ZC3H12D: variants seen among roughly 807,000 people sequenced by gnomAD.
ZC3H12D encodes the protein zinc finger CCCH-type containing 12D, also known as probable ribonuclease ZC3H12D.
ZC3H12D carries 11 observed loss-of-function variants against 24.2 expected under a neutral mutation model. That is an observed-to-expected ratio of 0.46 (90% CI 0.29 to 0.75). The LOEUF (loss-of-function observed/expected upper bound fraction) is 0.75. Among genes scored for constraint, ZC3H12D ranks in the 30% least tolerant of loss-of-function variants. The pLI is 0.11. For synonymous variants in ZC3H12D, 333 were observed against 341.8 expected (o/e 0.97, Z 0.28); for missense variants, 740 against 767.7 (o/e 0.96, Z 0.43).
At position 149,450,845 on chromosome 6, in the gene ZC3H12D, CTCG is replaced by C; in HGVS notation, c.1419_1421del (p.Asp473del). ...TGCGAGCCCGGGCGCGCGCGTCCCCCTCGTCGTCCTCGGTCGCGTACACTGAAA... is the reference window on the plus strand; with the variant it reads ...TGCGAGCCCGGGCGCGCGCGTCCCCCTCGTCCTCGGTCGCGTACACTGAAA... On this transcript the variant is annotated inframe_deletion, in exon 6 of 6. Transcript: ENST00000409806. The C allele has an allele frequency of 6.5e-7, 1 of 1,544,638 alleles. No individual in the cohort carries two copies. Among genetic ancestry groups the C allele is most frequent in the Non-Finnish European group, 8.7e-7 (1 of 1,146,672 alleles).
At chr6:149,466,939 C>T (rs1260706443) in intron 2 of ZC3H12D, among the ~76,000 whole-genome samples, 3 of 145,530 alleles carry the variant, frequency 2.1e-5, no homozygotes, top group Non-Finnish European at 4.5e-5. Flanking sequence ...AATAAAAAAG[C>T]TGTTTCTTAA....
rs1775993281 is a variant in ZC3H12D at position 149,456,906 on chromosome 6, G to C, written c.446-6C>G. 1.3e-6 allele frequency: 2 copies of C among 1,592,918 alleles called. No individual in the cohort carries two copies. Among genetic ancestry groups the C allele is most frequent in the South Asian group, 2.2e-5 (2 of 90,884 alleles). ...CTCCGCCAGCACGTGCTGCTCTGAG[G>C]GCGGGGCGACGGAGACGCGGGTGAG... On this transcript the variant is annotated splice_region_variant and splice_polypyrimidine_tract_variant and intron_variant, in intron 3 of 5. Transcript: ENST00000409806. This position sits in a 1 kb window ranked among gnomAD's most constrained non-coding sequence, Gnocchi z 4.3.
intron 2 of ZC3H12D, among the ~76,000 whole-genome samples, chr6:149,465,679 T>A (rs1024601741): frequency 6.8e-6 from 1 of 147,226 alleles, no homozygotes; most frequent in African/African-American, 2.5e-5. Context: ...CACTTGAACC[T>A]GGGAGGTGGA....
Position 149,474,281 on chromosome 6 carries a change from G to A in ZC3H12D, c.263C>T (p.Ser88Phe), listed in dbSNP as rs867108833. 1 of 1,537,990 alleles carries A rather than the reference G, an allele frequency of 6.5e-7. No individual in the cohort carries two copies. The highest frequency in any genetic ancestry group is 1.2e-5 in the South Asian group (1 of 83,360). The change falls in exon 2 of 6, where the codon TCT (serine) becomes TTT (phenylalanine). Residue 88 changes from serine to phenylalanine, a missense_variant. By Grantham distance (155) the Ser-to-Phe change is radical (BLOSUM62 -2). Transcript: ENST00000409806. The stretch of plus-strand genomic sequence containing the variant: ...GCCATCAATCACTATGGGTCGCAGA[G>A]AACTGGCCAGGGTTCTGAAGTCCTC... ...LEEDFRTLAS[S>F]LRPIVIDGSN...
intron 2 of ZC3H12D, among the ~76,000 whole-genome samples, chr6:149,472,706 G>A (rs559679189): frequency 7.2e-5 from 11 of 152,148 alleles, no homozygotes; most frequent in African/African-American, 2.6e-4. Context: ...GACTGGGCAT[G>A]TTTTTTGTTG....
At chr6:149,474,171 G>T in intron 2 of ZC3H12D, 68 bp downstream of exon 2, 1 of 1,347,522 alleles carries the variant, frequency 7.4e-7, no homozygotes. Context: ...CAAGGAAGAG[G>T]GACAGTTCTC....
At chr6:149,464,337 G>A (rs868356652) in intron 2 of ZC3H12D, among the ~76,000 whole-genome samples, 1 of 152,156 alleles carries the variant, frequency 6.6e-6, no homozygotes, top group Non-Finnish European at 1.5e-5. Flanking sequence ...GTGGGGTTTC[G>A]CTGGAGGGAG....
intron 2 of ZC3H12D, among the ~76,000 whole-genome samples, chr6:149,471,487 C>T (rs1475269464): frequency 6.6e-6 from 1 of 152,206 alleles, no homozygotes; most frequent in Non-Finnish European, 1.5e-5. Context: ...AAATCCCTGG[C>T]CACAAAGCAT....
At chr6:149,474,203 C>T (rs1488888779) in intron 2 of ZC3H12D, 36 bp downstream of exon 2, 2 of 1,439,710 alleles carry the variant, frequency 1.4e-6, no homozygotes, top group Admixed American at 4.8e-5. Flanking sequence ...GAACAGGGGC[C>T]TCCCCAGCCC....
At chr6:149,461,192 T>C (rs1182383082) in intron 3 of ZC3H12D, among the ~76,000 whole-genome samples, 1 of 151,770 alleles carries the variant, frequency 6.6e-6, no homozygotes, top group Non-Finnish European at 1.5e-5. Context: ...AATATAAAAA[T>C]TAGTTGGGTG....
intron 2 of ZC3H12D, among the ~76,000 whole-genome samples, chr6:149,472,032 A>G (rs1776252270): frequency 6.6e-6 from 1 of 152,200 alleles, no homozygotes; most frequent in East Asian, 1.9e-4. Flanking sequence ...ACAGATAACA[A>G]TGAGACACCA....
At chr6:149,462,499 G>C (rs407260) in intron 2 of ZC3H12D, among the ~76,000 whole-genome samples, 55,368 of 152,118 alleles carry the variant, frequency 0.36, 10,604 homozygotes, top group African/African-American at 0.46. Context: ...CTTGTGATAG[G>C]TATGTAGAGG....
intron 4 of ZC3H12D, among the ~76,000 whole-genome samples, chr6:149,455,951 A>AT (rs982177057): frequency 4.0e-5 from 5 of 126,044 alleles, no homozygotes; most frequent in South Asian, 2.3e-4. Context: ...CAAAATTTTG[A>AT]TTTAAAAAAA....
chr6:149,478,040 A>C (rs1776368564), intron 1 of ZC3H12D, among the ~76,000 whole-genome samples: 1 of 151,748 alleles, frequency 6.6e-6, no homozygotes, highest in Non-Finnish European at 1.5e-5. Context: ...GGTGGGGTGC[A>C]CCTGTAGTCT....
chr6:149,473,550 C>T (rs1378978839), intron 2 of ZC3H12D, among the ~76,000 whole-genome samples: 4 of 152,198 alleles, frequency 2.6e-5, no homozygotes, highest in Admixed American at 2.6e-4. Context: ...AGGCAGATAA[C>T]AACTCGGGCG....
In ZC3H12D at chr6:149,461,969, G is replaced by A; in HGVS notation, c.307C>T (p.His103Tyr). 1 of 1,609,590 alleles carries A rather than the reference G, an allele frequency of 6.2e-7. No homozygotes were observed. Among genetic ancestry groups the A allele is most frequent in the Non-Finnish European group, 8.5e-7 (1 of 1,178,108 alleles). Residue 103 changes from histidine (H) to tyrosine (Y), a missense_variant and splice_region_variant, in exon 3 of 6, where the codon CAT becomes TAT. Transcript: ENST00000409806. ...VIDGSNVAMS[H>Y]GNKETFSCRG... ...CAAGAGAAGGTTTCTTTATTTCCAT[G>A]GCTACAATGGGAAAACAAAGAAATC... is the stretch of plus-strand genomic sequence containing the variant.
intron 2 of ZC3H12D, among the ~76,000 whole-genome samples, chr6:149,463,479 G>A (rs1365493044): frequency 2.6e-5 from 4 of 152,230 alleles, no homozygotes; most frequent in African/African-American, 9.6e-5. Flanking sequence ...GTGAGGCCGA[G>A]GCAGGTGGAT....
rs1330853984 is a variant in ZC3H12D at position 149,452,818 on chromosome 6, G to T, written c.681-96C>A. Reference sequence around the variant, plus strand: ...AGGCCCAAGTTCCCCAAGAACACCAGGAAGCATTCGGCCCCGGGCCCACCA... The same window carrying T: ...AGGCCCAAGTTCCCCAAGAACACCATGAAGCATTCGGCCCCGGGCCCACCA... On this transcript the variant is annotated intron_variant, in intron 4 of 5. Transcript: ENST00000409806. The surrounding 1 kb of genome is among the most constrained non-coding windows in gnomAD (Gnocchi z 4.0). 4.5e-6 allele frequency: 5 copies of T among 1,100,924 alleles called. No homozygotes were observed. The highest frequency in any genetic ancestry group is 6.6e-6 in the Non-Finnish European group (5 of 757,314). The allele number at this position is 1,100,924 out of a possible 1,614,324, so 68.2% of individuals were successfully genotyped here. A position where few individuals can be genotyped will look rare whatever the true frequency, so the allele number is the denominator to read the frequency against.
chr6:149,451,046 G>C lies in ZC3H12D; in HGVS notation c.1221C>G (p.Pro407=), dbSNP rs1047808980. The C allele has an allele frequency of 7.0e-7, 1 of 1,419,234 alleles. No homozygotes were observed. The highest frequency in any genetic ancestry group is 9.2e-7 in the Non-Finnish European group (1 of 1,091,760). The allele number at this position is 1,419,234 out of a possible 1,614,324, so 87.9% of individuals were successfully genotyped here. The change falls in exon 6 of 6, where the codon CCC becomes CCG. Residue 407 remains proline, a synonymous_variant. Coordinates refer to ENST00000409806, the MANE Select transcript of ZC3H12D (RefSeq NM_207360.3). ...QFSPGDLPPP[P]GLQLQPRGEH... ...CGCCCCGCGGCTGGAGCTGCAGGCC[G>C]GGCGGAGGCGGGAGGTCGCCCGGGG...
Sources: allele counts gnomAD v4.1 joint callset (sites outside exome capture counted in the v4.1 genomes callset), GRCh38; gene constraint gnomAD v4.1.1; non-coding constraint Gnocchi (gnomAD v3.1); transcripts MANE v1.5; gene names NCBI Gene and HGNC (gene_info 2026-07-23, HGNC 2026-07-21).